Variants in LYPD6B observed in about 807,000 individuals in gnomAD.
The protein encoded by LYPD6B is ly6/PLAUR domain-containing protein 6B.
Under a neutral mutation model 22.8 loss-of-function variants are expected in LYPD6B, and 17 were observed. The observed-to-expected ratio is 0.75, with a 90% CI of 0.51 to 1.12. The LOEUF (loss-of-function observed/expected upper bound fraction) is 1.12. LYPD6B is among the 50% of genes most tolerant of loss of function. LYPD6B has a pLI of 0.00. For missense variants in LYPD6B, 221 were observed against 258.3 expected, an observed-to-expected ratio of 0.86 and a Z score of 0.99; for synonymous variants, 106 against 91.6, an observed-to-expected ratio of 1.16 and a Z score of -0.90.
At chr2:149,208,479 T>G in intron 5 of LYPD6B, 67 bp downstream of exon 5, 1 of 1,249,402 alleles carries the variant, frequency 8.0e-7, no homozygotes, top group Non-Finnish European at 1.2e-6. Flanking sequence ...GACTTGATGA[T>G]GTTCTTTAGG....
At chr2:149,187,610 C>T in intron 3 of LYPD6B, 1 of 1,213,914 alleles carries the variant, frequency 8.2e-7, no homozygotes, top group Non-Finnish European at 1.1e-6. Flanking sequence ...GGTTGAGTAA[C>T]TGAATAAACG....
chr2:149,114,571 A>G (rs1279627601), intron 1 of LYPD6B, among the ~76,000 whole-genome samples: 5 of 152,216 alleles, frequency 3.3e-5, no homozygotes, highest in Non-Finnish European at 1.5e-5. Flanking sequence ...GTTCAGTGTT[A>G]ACATGAAGGG....
chr2:149,079,706 G>A (rs1457851506), intron 1 of LYPD6B, among the ~76,000 whole-genome samples: 1 of 152,120 alleles, frequency 6.6e-6, no homozygotes, highest in Non-Finnish European at 1.5e-5. Context: ...GGAATTACAA[G>A]TCTATGGGGG....
At chr2:149,041,054 T>C (rs890625565) in intron 1 of LYPD6B, among the ~76,000 whole-genome samples, 3 of 147,676 alleles carry the variant, frequency 2.0e-5, no homozygotes, top group Non-Finnish European at 1.5e-5. Context: ...GAGCTTTGAA[T>C]TGAAAATGAG....
Position 149,107,307 on chromosome 2 carries a change from GT to G in LYPD6B, c.-66-23572del, listed in dbSNP as rs367998524. Among the ~76,000 whole-genome samples, 290 of 152,270 alleles carry G rather than the reference GT, an allele frequency of 1.9e-3. 1 individual carries two copies. Among genetic ancestry groups the G allele is most frequent in the African/African-American group, 6.7e-3 (278 of 41,552 alleles). On this transcript the variant is annotated intron_variant, in intron 1 of 6. Coordinates refer to ENST00000409642, the MANE Select transcript of LYPD6B (RefSeq NM_177964.5). The stretch of plus-strand genomic sequence containing the variant: ...GTGTGGATATGTGGGACAAAGCGAT[GT>G]TTTACCTTCCTGGTGGGATGAAGCT...
At chr2:149,083,432 C>T (rs1178204497) in intron 1 of LYPD6B, among the ~76,000 whole-genome samples, 1 of 152,186 alleles carries the variant, frequency 6.6e-6, no homozygotes, top group Non-Finnish European at 1.5e-5. Flanking sequence ...TTTTTTCCAA[C>T]ACTGGGATAA....
chr2:149,158,959 C>T (rs229330), intron 2 of LYPD6B, among the ~76,000 whole-genome samples: 19,556 of 152,158 alleles, frequency 0.13, 1,777 homozygotes, highest in African/African-American at 0.26. Flanking sequence ...GAAATAATAA[C>T]ATTTATGGGA....
intron 1 of LYPD6B, among the ~76,000 whole-genome samples, chr2:149,112,237 A>G (rs1001837686): frequency 6.6e-6 from 1 of 152,264 alleles, no homozygotes; most frequent in East Asian, 1.9e-4. Context: ...CCCTGTAGTT[A>G]CCTCTGAAAG....
chr2:149,046,991 C>T (rs907366095), intron 1 of LYPD6B, among the ~76,000 whole-genome samples: 1 of 152,160 alleles, frequency 6.6e-6, no homozygotes, highest in African/African-American at 2.4e-5. Flanking sequence ...TTTCAAAAAA[C>T]ATTCTTAGTT....
At chr2:149,061,198 ATTTT>A (rs56064422) in intron 1 of LYPD6B, among the ~76,000 whole-genome samples, 2,723 of 140,870 alleles carry the variant, frequency 0.019, 89 homozygotes, top group African/African-American at 0.065. Context: ...GCTGCAGTGC[ATTTT>A]TTTTTTTTTT....
At chr2:149,132,311 G>T (rs949639254) in intron 2 of LYPD6B, among the ~76,000 whole-genome samples, 8 of 150,704 alleles carry the variant, frequency 5.3e-5, no homozygotes, top group African/African-American at 1.7e-4. Flanking sequence ...TTTACAAAGG[G>T]TTCATGTAGA....
chr2:149,120,629 C>T (rs1228545808), intron 1 of LYPD6B, among the ~76,000 whole-genome samples: 5 of 149,514 alleles, frequency 3.3e-5, no homozygotes, highest in Middle Eastern at 3.5e-3. Context: ...ATGATCCGCC[C>T]GCCTCAGCCT....
intron 1 of LYPD6B, among the ~76,000 whole-genome samples, chr2:149,079,967 C>T (rs1232685699): frequency 2.0e-5 from 3 of 152,232 alleles, no homozygotes; most frequent in Non-Finnish European, 4.4e-5. Context: ...TTTATCTGCA[C>T]TTCTTTCCCG....
In LYPD6B at chr2:149,205,413, T is replaced by C; in HGVS notation, c.229+9T>C. The C allele has an allele frequency of 6.2e-7, 1 of 1,613,058 alleles. No individual in the cohort carries two copies. The highest frequency in any genetic ancestry group is 1.1e-5 in the South Asian group (1 of 90,858). ...GAGGCCTCCTCTCGACCGTAAGTAG[T>C]GGTGGTTGCCATCCTAGTTCATGGC... is the stretch of plus-strand genomic sequence containing the variant. On this transcript the variant is annotated intron_variant, in intron 4 of 6. Coordinates refer to ENST00000409642, the MANE Select transcript of LYPD6B (RefSeq NM_177964.5).
chr2:149,089,686 G>T (rs537339210), intron 1 of LYPD6B, among the ~76,000 whole-genome samples: 1 of 152,258 alleles, frequency 6.6e-6, no homozygotes, highest in African/African-American at 2.4e-5. Context: ...ATTTCTGACA[G>T]CTTCTTTTGT....
intron 3 of LYPD6B, among the ~76,000 whole-genome samples, chr2:149,181,332 A>G (rs1418592464): frequency 6.6e-6 from 1 of 151,718 alleles, no homozygotes; most frequent in Non-Finnish European, 1.5e-5. Flanking sequence ...GGCTTAATCC[A>G]TGTTAAGTTT....
intron 3 of LYPD6B, among the ~76,000 whole-genome samples, chr2:149,185,686 G>T (rs1042128502): frequency 5.9e-5 from 9 of 152,166 alleles, no homozygotes; most frequent in African/African-American, 1.9e-4. Context: ...ACTTCACAAA[G>T]ATTGCATTTT....
chr2:149,185,815 C>T (rs1201250942), intron 3 of LYPD6B, among the ~76,000 whole-genome samples: 1 of 152,182 alleles, frequency 6.6e-6, no homozygotes, highest in African/African-American at 2.4e-5. Flanking sequence ...ATATTTCAAA[C>T]TTCCTCATTA....
At chr2:149,143,460 T>C (rs1222270007) in intron 2 of LYPD6B, among the ~76,000 whole-genome samples, 2 of 150,904 alleles carry the variant, frequency 1.3e-5, no homozygotes, top group East Asian at 3.9e-4. Flanking sequence ...ATGTTTTTAC[T>C]ATACCGTTTG....
Sources: allele counts gnomAD v4.1 joint callset (sites outside exome capture counted in the v4.1 genomes callset), GRCh38; gene constraint gnomAD v4.1.1; transcripts MANE v1.5; gene names NCBI Gene and HGNC (gene_info 2026-07-23, HGNC 2026-07-21).